Variants in RDX observed in about 807,000 individuals in gnomAD.
RDX encodes radixin.
In RDX, 32 loss-of-function variants were observed where a neutral mutation model predicts 83.7. The observed-to-expected ratio is 0.38, with a 90% CI of 0.29 to 0.51. The LOEUF is 0.51. Among genes scored for constraint, RDX ranks in the 20% least tolerant of loss-of-function variants. The pLI, the probability that RDX is intolerant of heterozygous loss-of-function variation, is 0.87. For missense variants in RDX, 600 were observed against 689.9 expected (o/e 0.87, Z 1.46); for synonymous variants, 229 against 222.7 (o/e 1.03, Z -0.25).
At chr11:110,241,402 T>C (rs941303736) in intron 10 of RDX, among the ~76,000 whole-genome samples, 10 of 151,996 alleles carry the variant, frequency 6.6e-5, no homozygotes, top group Non-Finnish European at 1.5e-4. Context: ...GTTTAAGCAA[T>C]TCTCCTGCCT....
Position 110,233,418 on chromosome 11 carries a change from G to A in RDX, c.1406C>T (p.Ala469Val), listed in dbSNP as rs1231807337. 1.9e-5 allele frequency: 30 copies of A among 1,613,784 alleles called. No individual in the cohort carries two copies. Among genetic ancestry groups the A allele is most frequent in the Non-Finnish European group, 2.5e-5 (30 of 1,179,874 alleles). Residue 469 changes from alanine (A) to valine (V), a missense_variant, in exon 13 of 14, where the codon GCC (alanine) becomes GTC (valine). By Grantham distance (64) the Ala-to-Val change is moderately conservative. Transcript: ENST00000645495. ...TGGTGGTGGTGGAGGTGGAGGGGGG[G>A]CAGACATCACAGTTTTTAACTCTTC... ...TKEELKTVMS[A>V]PPPPPPPPVI... is the part of the protein sequence containing the mutation.
chr11:110,221,527 G>A (rs1485948043), intron 14 of RDX, among the ~76,000 whole-genome samples: 1 of 151,718 alleles, frequency 6.6e-6, no homozygotes, highest in Non-Finnish European at 1.5e-5. Flanking sequence ...GAACCCAGGA[G>A]GTGGAAGCTG....
chr11:110,207,931 A>AT, intron 14 of RDX, among the ~76,000 whole-genome samples: 1 of 152,100 alleles, frequency 6.6e-6, no homozygotes, highest in African/African-American at 2.4e-5. Context: ...CGCAATTTTC[A>AT]TTTTAATTAC....
chr11:110,188,524 G>A (rs1012037287), intron 15 of RDX, among the ~76,000 whole-genome samples: 6 of 151,938 alleles, frequency 3.9e-5, no homozygotes, highest in Non-Finnish European at 5.9e-5. Flanking sequence ...ATGGGAGGGG[G>A]GTGAGGGATA....
intron 8 of RDX, among the ~76,000 whole-genome samples, chr11:110,254,911 A>G (rs934062794): frequency 7.2e-5 from 11 of 152,234 alleles, no homozygotes; most frequent in Non-Finnish European, 1.5e-4. Context: ...ACAAAAATAC[A>G]AAGTTCATAA....
chr11:110,185,700 A>G (rs1372074585), intron 15 of RDX: 3 of 152,384 alleles, frequency 2.0e-5, no homozygotes, highest in Non-Finnish European at 4.4e-5. Flanking sequence ...AGCTAGCACT[A>G]GAGAATGTGG....
chr11:110,251,757 G>C (rs544493292), intron 9 of RDX, among the ~76,000 whole-genome samples: 127 of 152,210 alleles, frequency 8.3e-4, no homozygotes, highest in Non-Finnish European at 1.4e-3. Flanking sequence ...TAATTTAAGA[G>C]CTTCAAAAAC....
At chr11:110,237,899 G>C in intron 10 of RDX, 1 of 533,304 alleles carries the variant, frequency 1.9e-6, no homozygotes, top group Non-Finnish European at 3.5e-6. Context: ...AGCCTCCCAA[G>C]TAGCTAGGAC....
At chr11:110,264,541 C>G (rs1859940433) in intron 4 of RDX, among the ~76,000 whole-genome samples, 1 of 150,658 alleles carries the variant, frequency 6.6e-6, no homozygotes, top group South Asian at 2.1e-4. Context: ...GTAATATCTG[C>G]TTTAATATTT....
intron 1 of RDX, among the ~76,000 whole-genome samples, chr11:110,284,198 C>A (rs952139010): frequency 6.6e-5 from 10 of 152,184 alleles, no homozygotes; most frequent in Admixed American, 4.6e-4. Context: ...GAATACATAA[C>A]AAAAGCTACA....
intron 15 of RDX, among the ~76,000 whole-genome samples, chr11:110,182,323 C>T (rs965779962): frequency 3.9e-5 from 6 of 152,254 alleles, no homozygotes; most frequent in East Asian, 1.9e-4. Flanking sequence ...TGAATGTGGC[C>T]GGGCATGGTG....
At chr11:110,237,243 T>A (rs546166761) in intron 11 of RDX, among the ~76,000 whole-genome samples, 1 of 152,048 alleles carries the variant, frequency 6.6e-6, no homozygotes, top group East Asian at 1.9e-4. Context: ...AATCAGAACC[T>A]TTTGCTGACA....
At chr11:110,224,032 CA>C (rs200715758) in intron 14 of RDX, among the ~76,000 whole-genome samples, 2 of 148,950 alleles carry the variant, frequency 1.3e-5, no homozygotes, top group East Asian at 1.9e-4. Context: ...TCTCAAAAAA[CA>C]AAAAAAAAGA....
chr11:110,209,777 C>G (rs1350923519), intron 14 of RDX, among the ~76,000 whole-genome samples: 4 of 145,020 alleles, frequency 2.8e-5, no homozygotes, highest in Admixed American at 6.8e-5. Context: ...AGCTGAGGGT[C>G]CTCTCTGTTA....
At position 110,296,536 on chromosome 11, in the gene RDX, G is replaced by A. The variant is rs1398355216; in HGVS notation, c.-134C>T. 5.9e-5 allele frequency: 9 copies of A among 151,510 alleles called. No individual in the cohort carries two copies. The highest frequency in any genetic ancestry group is 4.6e-4 in the Admixed American group (7 of 15,196). The allele number at this position is 151,510 out of a possible 1,614,324, so 9.4% of individuals were successfully genotyped here. A position where few individuals can be genotyped will look rare whatever the true frequency, so the allele number is the denominator to read the frequency against. Reference sequence around the variant, plus strand: ...CTGCGCGGCGGCGCGGCTGCGACAGGGAGGGAGAAGCGGTGGTGCGAGCGC... The same window carrying A: ...CTGCGCGGCGGCGCGGCTGCGACAGAGAGGGAGAAGCGGTGGTGCGAGCGC... On this transcript the variant is annotated 5_prime_UTR_variant, in exon 1 of 14. Coordinates refer to ENST00000645495, the MANE Select transcript of RDX (RefSeq NM_002906.4).
chr11:110,252,368 T>C (rs1446767451), intron 9 of RDX, among the ~76,000 whole-genome samples: 1 of 152,186 alleles, frequency 6.6e-6, no homozygotes, highest in African/African-American at 2.4e-5. Context: ...AGTATTTCTC[T>C]ATAAGCCATG....
chr11:110,231,960 T>A lies in RDX; in HGVS notation c.1661A>T (p.Asn554Ile). The change falls in exon 14 of 14, where the codon AAT becomes ATT. Residue 554 changes from asparagine (N) to isoleucine (I), a missense_variant. Physicochemically the swap from Asn to Ile is moderately radical, Grantham distance 149 (BLOSUM62 -3). Coordinates refer to ENST00000645495, the MANE Select transcript of RDX (RefSeq NM_002906.4). ...GTACTTATCACGGCCTGCTTTAACA[T>A]TCTCAGCATGAAGAACATCATTTTG... ...KTQNDVLHAE[N>I]VKAGRDKYKT... is the part of the protein sequence containing the mutation. The A allele has an allele frequency of 1.2e-6, 2 of 1,614,134 alleles. No individual in the cohort carries two copies. The highest frequency in any genetic ancestry group is 1.7e-6 in the Non-Finnish European group (2 of 1,179,986).
chr11:110,225,884 TAA>T (rs1355695594), downstream of RDX, among the ~76,000 whole-genome samples: 3 of 140,616 alleles, frequency 2.1e-5, no homozygotes, highest in Non-Finnish European at 3.1e-5. Context: ...CTGTCTCTAC[TAA>T]AAAAAAAAAG....
chr11:110,208,774 T>A (rs58936255), intron 14 of RDX, among the ~76,000 whole-genome samples: 22 of 152,166 alleles, frequency 1.4e-4, no homozygotes, highest in African/African-American at 5.1e-4. Context: ...CTGGCCAACA[T>A]GATGAAACCC....
Sources: allele counts gnomAD v4.1 joint callset (sites outside exome capture counted in the v4.1 genomes callset), GRCh38; gene constraint gnomAD v4.1.1; transcripts MANE v1.5; gene names NCBI Gene and HGNC (gene_info 2026-07-23, HGNC 2026-07-21).